Variants in DMD observed in about 807,000 individuals in gnomAD.
DMD encodes mutant dystrophin.
Under a neutral mutation model 330.1 loss-of-function variants are expected in DMD, and 63 were observed. The observed-to-expected ratio is 0.19, with a 90% CI of 0.16 to 0.24. The LOEUF (loss-of-function observed/expected upper bound fraction) is 0.24. Among genes scored for constraint, DMD ranks in the 10% least tolerant of loss-of-function variants. The probability of loss-of-function intolerance (pLI) is 1.00; values close to 1 mark genes in which losing one functional copy is unlikely to be tolerated. For synonymous variants in DMD, 1,223 were observed against 959.8 expected, an observed-to-expected ratio of 1.27 and a Z score of -5.07; for missense variants, 3,344 against 2,684.1, an observed-to-expected ratio of 1.25 and a Z score of -5.43.
intron 1 of DMD, among the ~76,000 whole-genome samples, chrX:33,122,053 C>G (rs759585086): frequency 9.0e-6 from 1 of 111,281 alleles, no homozygotes; most frequent in Non-Finnish European, 1.9e-5. Context: ...GGGTGAAACC[C>G]CGTCTCTCCT....
At chrX:32,842,647 C>A in intron 4 of DMD, among the ~76,000 whole-genome samples, 1 of 111,067 alleles carries the variant, frequency 9.0e-6, no homozygotes, top group East Asian at 2.8e-4. Flanking sequence ...CAGTGTTTAG[C>A]TCGTACTTAT....
chrX:31,649,750 ACT>A (rs1466533459), intron 54 of DMD, among the ~76,000 whole-genome samples: 1 of 110,318 alleles, frequency 9.1e-6, no homozygotes, highest in Non-Finnish European at 1.9e-5. Context: ...TATACATATG[ACT>A]CTCTCCTGAA....
chrX:31,350,108 A>T (rs1184852528), intron 60 of DMD, among the ~76,000 whole-genome samples: 1 of 111,212 alleles, frequency 9.0e-6, no homozygotes, highest in Non-Finnish European at 1.9e-5. Context: ...AGCATGAGGG[A>T]CATATCAAAC....
At chrX:32,728,004 A>C (rs2067092710) in intron 7 of DMD, among the ~76,000 whole-genome samples, 1 of 111,676 alleles carries the variant, frequency 9.0e-6, no homozygotes, top group Admixed American at 9.6e-5. Flanking sequence ...CATGCATTTT[A>C]TATTTTTTAG....
chrX:31,456,866 GTGTGTGTGTGTA>G (rs1478304714), intron 59 of DMD, among the ~76,000 whole-genome samples: 8 of 100,728 alleles, frequency 7.9e-5, no homozygotes, highest in Non-Finnish European at 1.2e-4. Context: ...GTGTGTGTGT[GTGTGTGTGTGTA>G]TATATATATA....
At chrX:31,434,733 A>C (rs1012357896) in intron 60 of DMD, among the ~76,000 whole-genome samples, 2 of 111,304 alleles carry the variant, frequency 1.8e-5, no homozygotes, top group Non-Finnish European at 3.8e-5. Context: ...CAAGACTTTG[A>C]TGATTCAACC....
At chrX:33,128,222 C>T (rs1221046966) in intron 1 of DMD, 53 of 1,184,178 alleles carry the variant, frequency 4.5e-5, no homozygotes, top group Middle Eastern at 2.3e-4. Context: ...TTGCTGATTT[C>T]CCTGTTGGTA....
intron 49 of DMD, among the ~76,000 whole-genome samples, chrX:31,826,699 C>T (rs761799399): frequency 1.8e-5 from 2 of 112,286 alleles, no homozygotes; most frequent in Non-Finnish European, 3.8e-5. Flanking sequence ...CATCTATAAG[C>T]AAATTTAAGG....
chrX:32,259,665 C>T (rs187762248), intron 43 of DMD, among the ~76,000 whole-genome samples: 5 of 111,318 alleles, frequency 4.5e-5, no homozygotes, highest in African/African-American at 1.6e-4. Context: ...GAACATCCAT[C>T]GAGTTCGTTG....
chrX:33,300,957 C>T (rs996637555), intron 1 of DMD, among the ~76,000 whole-genome samples: 5 of 111,521 alleles, frequency 4.5e-5, no homozygotes, highest in Non-Finnish European at 7.5e-5. Flanking sequence ...GAACCAGTCG[C>T]GTTAGTATTG....
intron 59 of DMD, among the ~76,000 whole-genome samples, chrX:31,451,013 A>G (rs763111398): frequency 9.0e-6 from 1 of 111,231 alleles, no homozygotes; most frequent in South Asian, 3.9e-4. Context: ...CTGGGGCACC[A>G]ACAGCATCCA....
At chrX:33,321,411 T>C (rs1359536197) in intron 1 of DMD, among the ~76,000 whole-genome samples, 2 of 104,630 alleles carry the variant, frequency 1.9e-5, no homozygotes, top group African/African-American at 3.6e-5. Flanking sequence ...ACATTATTAA[T>C]GAGCAGTAAT....
chrX:31,724,511 C>G (rs1261855579), intron 52 of DMD, among the ~76,000 whole-genome samples: 1 of 109,941 alleles, frequency 9.1e-6, no homozygotes, highest in Non-Finnish European at 1.9e-5. Context: ...TAAGCTATCA[C>G]TAAATTTCTC....
chrX:32,666,100 A>G (rs2061284436), intron 9 of DMD, among the ~76,000 whole-genome samples: 1 of 110,280 alleles, frequency 9.1e-6, no homozygotes, highest in Non-Finnish European at 1.9e-5. Flanking sequence ...GAGATGACAG[A>G]CTTCTGACAT....
At chrX:32,147,597 T>C (rs894802294) in intron 44 of DMD, among the ~76,000 whole-genome samples, 2 of 111,574 alleles carry the variant, frequency 1.8e-5, no homozygotes, top group Non-Finnish European at 3.8e-5. Context: ...AATACAGCTG[T>C]GTACGGTACA....
intron 74 of DMD, among the ~76,000 whole-genome samples, chrX:31,160,577 C>T (rs1484566078): frequency 9.0e-6 from 1 of 111,624 alleles, no homozygotes; most frequent in Admixed American, 9.5e-5. Context: ...CAGTTGGGCT[C>T]GAGGTCAAGT....
intron 51 of DMD, among the ~76,000 whole-genome samples, chrX:31,757,746 G>T (rs1293931476): frequency 9.1e-6 from 1 of 109,960 alleles, no homozygotes; most frequent in Non-Finnish European, 1.9e-5. Context: ...TTGAGTGTTA[G>T]GTTTCAACAT....
intron 5 of DMD, among the ~76,000 whole-genome samples, chrX:32,820,745 A>G (rs2078172893): frequency 1.8e-5 from 2 of 111,930 alleles, no homozygotes; most frequent in Non-Finnish European, 3.8e-5. Context: ...ATTTGTTACT[A>G]TGCCATAAGA....
At position 32,411,740 on chromosome X, in the gene DMD, A is replaced by G; in HGVS notation, c.4233+12T>C. Reference sequence around the variant, plus strand: ...AACAAAAGAATGGAAGCTGATTCCCAGATGTACTTGCCTGGGCTTCCTGAG... The same window carrying G: ...AACAAAAGAATGGAAGCTGATTCCCGGATGTACTTGCCTGGGCTTCCTGAG... On this transcript the variant is annotated intron_variant, in intron 30 of 78. Transcript: ENST00000357033. The G allele has an allele frequency of 1.7e-6, 2 of 1,210,512 alleles. No individual in the cohort carries two copies. Among genetic ancestry groups the G allele is most frequent in the South Asian group, 1.8e-5 (1 of 56,960 alleles).
Sources: allele counts gnomAD v4.1 joint callset (sites outside exome capture counted in the v4.1 genomes callset), GRCh38; gene constraint gnomAD v4.1.1; transcripts MANE v1.5; gene names NCBI Gene and HGNC (gene_info 2026-07-23, HGNC 2026-07-21).